Variants in ARHGEF39 observed in about 807,000 individuals in gnomAD.
ARHGEF39 encodes Rho guanine nucleotide exchange factor (GEF) 39.
ARHGEF39 carries 45 observed loss-of-function variants against 47.5 expected under a neutral mutation model. The observed-to-expected ratio is 0.95, with a 90% CI of 0.75 to 1.22. The LOEUF is 1.22. Ranked by LOEUF, ARHGEF39 falls within the 50% of genes most tolerant of loss-of-function variation. The pLI is 0.00. For synonymous variants in ARHGEF39, 164 were observed against 167.8 expected (o/e 0.98, Z 0.17); for missense variants, 411 against 425.3 (o/e 0.97, Z 0.30).
Position 35,661,239 on chromosome 9 carries a change from C to A in ARHGEF39, c.*748G>T. ...TCCTAGTTGGTTGTACACACCCATACTAGGTGCCTAAGGACAACTGGGCCT... is the reference window on the plus strand; with the variant it reads ...TCCTAGTTGGTTGTACACACCCATAATAGGTGCCTAAGGACAACTGGGCCT... On this transcript the variant is annotated 3_prime_UTR_variant, in exon 9 of 9. Coordinates refer to ENST00000378387, the MANE Select transcript of ARHGEF39 (RefSeq NM_032818.3). 1 of 1,350,220 alleles carries A rather than the reference C, an allele frequency of 7.4e-7. No individual in the cohort carries two copies. Among genetic ancestry groups the A allele is most frequent in the Non-Finnish European group, 1.0e-6 (1 of 977,928 alleles). 83.6% of individuals were successfully genotyped at this position (1,350,220 alleles called of 1,614,324 possible).
At position 35,665,135 on chromosome 9, in the gene ARHGEF39, A is replaced by C; in HGVS notation, c.35T>G (p.Val12Gly). Residue 12 changes from valine (V) to glycine (G), a missense_variant, in exon 1 of 9, where the codon GTG becomes GGG. Transcript: ENST00000378387. ...CTCCCAGCGGGCACGCTGCTCTTGCACCGGGCACCGCGAACCGGGGCAGGA... is the reference window on the plus strand; with the variant it reads ...CTCCCAGCGGGCACGCTGCTCTTGCCCCGGGCACCGCGAACCGGGGCAGGA... ...ELSCPGSRCPVQEQRARWERK... is the reference protein window; with the variant it reads ...ELSCPGSRCPGQEQRARWERK... 6.5e-7 allele frequency: 1 copy of C among 1,543,856 alleles called. No individual in the cohort carries two copies. The highest frequency in any genetic ancestry group is 8.7e-7 in the Non-Finnish European group (1 of 1,143,844).
At chr9:35,662,407 G>T (rs1297971326) in intron 7 of ARHGEF39, 105 bp downstream of exon 7, 7 of 1,389,596 alleles carry the variant, frequency 5.0e-6, no homozygotes, top group Admixed American at 2.0e-5. Context: ...CTCTCTCAAT[G>T]TAGATGGCTC....
At position 35,660,740 on chromosome 9, in the gene ARHGEF39, C is replaced by T. The variant is rs752832075; in HGVS notation, c.*1247G>A. 1.2e-5 allele frequency: 19 copies of T among 1,613,864 alleles called. No individual in the cohort carries two copies. The East Asian group carries it at 4.2e-4, about 36-fold the overall frequency. On this transcript the variant is annotated 3_prime_UTR_variant, in exon 9 of 9. Coordinates refer to ENST00000378387, the MANE Select transcript of ARHGEF39 (RefSeq NM_032818.3). ...GTTGGGAGCCACTGAGTGGACATTT[C>T]TTCAGTGTGACTACTCTGGCTGGAG...
At chr9:35,663,664 A>G (rs1488562788) in intron 4 of ARHGEF39, among the ~76,000 whole-genome samples, 1 of 152,174 alleles carries the variant, frequency 6.6e-6, no homozygotes, top group Non-Finnish European at 1.5e-5. Flanking sequence ...GGAGGATGCT[A>G]CAGACAGCCT....
chr9:35,660,320 T>C lies in ARHGEF39; in HGVS notation c.*1667A>G. 1 of 1,245,126 alleles carries C rather than the reference T, an allele frequency of 8.0e-7. No individual in the cohort carries two copies. The highest frequency in any genetic ancestry group is 1.1e-6 in the Non-Finnish European group (1 of 887,862). 77.1% of individuals were successfully genotyped at this position (1,245,126 alleles called of 1,614,324 possible). A position where few individuals can be genotyped will look rare whatever the true frequency, so the allele number is the denominator to read the frequency against. On this transcript the variant is annotated 3_prime_UTR_variant, in exon 9 of 9. Coordinates refer to ENST00000378387, the MANE Select transcript of ARHGEF39 (RefSeq NM_032818.3). Reference sequence around the variant, plus strand: ...ACTGTCTCCATCTCAAATTGCACTCTCTCTTGGCTGGCTCTGGAGACTGAG... The same window carrying C: ...ACTGTCTCCATCTCAAATTGCACTCCCTCTTGGCTGGCTCTGGAGACTGAG...
At position 35,662,713 on chromosome 9, in the gene ARHGEF39, C is replaced by G; in HGVS notation, c.702G>C (p.Leu234=). 1 of 1,569,254 alleles carries G rather than the reference C, an allele frequency of 6.4e-7. No individual in the cohort carries two copies. Among genetic ancestry groups the G allele is most frequent in the South Asian group, 1.2e-5 (1 of 86,718 alleles). The part of the protein sequence containing the change: ...SGRWFLRQGW[L]LVVPPHGEPR... ...GCTCCCCATGGGGAGGCACCACTAA[C>G]AGCCAGCCCTGGCGTAGGAACCAGC... The change falls in exon 7 of 9, where the codon CTG becomes CTC. Residue 234 remains leucine (L), a synonymous_variant. Transcript: ENST00000378387.
At chr9:35,662,095 A>T in intron 8 of ARHGEF39, 84 bp downstream of exon 8, 1 of 1,597,986 alleles carries the variant, frequency 6.3e-7, no homozygotes, top group East Asian at 2.2e-5. Flanking sequence ...GTGCCAGACC[A>T]ATGTAGGGCA....
At chr9:35,663,176 T>G (rs1232392180) in intron 5 of ARHGEF39, 102 bp from the exon 6 acceptor site, 2 of 1,593,952 alleles carry the variant, frequency 1.3e-6, no homozygotes. Flanking sequence ...AGGGTCTGAC[T>G]TCTTGAAGAA....
In ARHGEF39 at chr9:35,662,277, G is replaced by A; in HGVS notation, c.904-10C>T. The A allele has an allele frequency of 1.2e-6, 2 of 1,611,716 alleles. No homozygotes were observed. The highest frequency in any genetic ancestry group is 1.7e-6 in the Non-Finnish European group (2 of 1,177,790). ...CATGAGGGAAGGACAGCTAGAGAGA[G>A]ACCACCTCTTAGCGCATGGCTCAGA... On this transcript the variant is annotated splice_polypyrimidine_tract_variant and intron_variant, in intron 7 of 8. Transcript: ENST00000378387.
Position 35,662,509 on chromosome 9 carries a change from T to G in ARHGEF39, c.903+3A>C. The G allele has an allele frequency of 6.2e-7, 1 of 1,611,398 alleles. No homozygotes were observed. Reference sequence around the variant, plus strand: ...GGGTCTAGGGTTCCCACCTATTACTTACACTGAGCAACCCACCACAAGGGC... The same window carrying G: ...GGGTCTAGGGTTCCCACCTATTACTGACACTGAGCAACCCACCACAAGGGC... On this transcript the variant is annotated splice_donor_region_variant and intron_variant, in intron 7 of 8. Transcript: ENST00000378387.
Position 35,661,663 on chromosome 9 carries a change from A to G in ARHGEF39, c.*324T>C, listed in dbSNP as rs958562857. On this transcript the variant is annotated 3_prime_UTR_variant, in exon 9 of 9. Coordinates refer to ENST00000378387, the MANE Select transcript of ARHGEF39 (RefSeq NM_032818.3). ...TTGGTTTCCTGATTCTTCTTTTTTA[A>G]TAAAATTTCTTAATTATTTTTTCTT... 2.8e-5 allele frequency: 12 copies of G among 421,268 alleles called. No individual in the cohort carries two copies. Among genetic ancestry groups the G allele is most frequent in the Non-Finnish European group, 4.2e-5 (10 of 239,092 alleles). 26.1% of individuals were successfully genotyped at this position (421,268 alleles called of 1,614,324 possible). A position where few individuals can be genotyped will look rare whatever the true frequency, so the allele number is the denominator to read the frequency against.
In ARHGEF39 at chr9:35,664,390, CCT is replaced by C. The variant is rs1321569779; in HGVS notation, c.334_335del (p.Arg112ValfsTer13). ...AGGTTACCTGCAGGGTGGTCTGGGA[CCT>C]CTCTGAGTTGGCAGCAAATTGGTTA... ...LYNQFAANSE[R>X]SQTTLQEQLK... On this transcript the variant is annotated frameshift_variant, in exon 3 of 9. Coordinates refer to ENST00000378387, the MANE Select transcript of ARHGEF39 (RefSeq NM_032818.3). LOFTEE classifies it high-confidence loss of function. The C allele has an allele frequency of 1.2e-6, 2 of 1,611,840 alleles. No homozygotes were observed. Among genetic ancestry groups the C allele is most frequent in the African/African-American group, 1.3e-5 (1 of 74,834 alleles).
chr9:35,662,342 G>T, intron 7 of ARHGEF39, 75 bp from the exon 8 acceptor site: 1 of 1,488,242 alleles, frequency 6.7e-7, no homozygotes, highest in Non-Finnish European at 9.3e-7. Context: ...TGTTTCCATG[G>T]AGCTAATTCA....
rs371120243 is a variant in ARHGEF39 at position 35,661,184 on chromosome 9, A to G, written c.*803T>C. On this transcript the variant is annotated 3_prime_UTR_variant, in exon 9 of 9. Transcript: ENST00000378387. ...GTCGACTAAAACAAAGTCTGTTTTC[A>G]TGATGGAGTGCTCCTGTGTGTTTTT... The G allele has an allele frequency of 1.3e-6, 2 of 1,590,686 alleles. No homozygotes were observed. The highest frequency in any genetic ancestry group is 1.3e-5 in the African/African-American group (1 of 74,346).
chr9:35,660,994 T>C lies in ARHGEF39; in HGVS notation c.*993A>G, dbSNP rs147165051. 3.7e-6 allele frequency: 6 copies of C among 1,613,784 alleles called. No homozygotes were observed. The African/African-American group carries it at 4.0e-5, about 11-fold the overall frequency. On this transcript the variant is annotated 3_prime_UTR_variant, in exon 9 of 9. Coordinates refer to ENST00000378387, the MANE Select transcript of ARHGEF39 (RefSeq NM_032818.3). ...TGTTTAAAGGAGGACGAGGAGGAGA[T>C]TGGTGACAGTCAGGCCTGGGAGGAG...
Position 35,660,220 on chromosome 9 carries a change from T to TA in ARHGEF39, c.*1766dup. The stretch of plus-strand genomic sequence containing the variant: ...CAGCAAACTGACCATGTGTGGGACA[T>TA]AGGACGTCGCTTCATATGCTGGGTG... On this transcript the variant is annotated 3_prime_UTR_variant, in exon 9 of 9. Coordinates refer to ENST00000378387, the MANE Select transcript of ARHGEF39 (RefSeq NM_032818.3). The TA allele has an allele frequency of 1.8e-6, 1 of 570,840 alleles. No homozygotes were observed. Among genetic ancestry groups the TA allele is most frequent in the Non-Finnish European group, 3.1e-6 (1 of 323,540 alleles). The allele number at this position is 570,840 out of a possible 1,614,324, so 35.4% of individuals were successfully genotyped here. A position where few individuals can be genotyped will look rare whatever the true frequency, so the allele number is the denominator to read the frequency against.
chr9:35,661,438 C>A lies in ARHGEF39; in HGVS notation c.*549G>T. ...CAAAACTGAGACAGAAGGGTCTTTC[C>A]CAAAAAAAAGAAAAAAAACTTTACT... On this transcript the variant is annotated 3_prime_UTR_variant, in exon 9 of 9. Transcript: ENST00000378387. 6.7e-6 allele frequency: 3 copies of A among 448,668 alleles called. No homozygotes were observed. The highest frequency in any genetic ancestry group is 6.0e-5 in the South Asian group (1 of 16,614). The allele number at this position is 448,668 out of a possible 1,614,324, so 27.8% of individuals were successfully genotyped here.
chr9:35,663,456 G>T, intron 4 of ARHGEF39, 64 bp from the exon 5 acceptor site: 1 of 1,378,704 alleles, frequency 7.3e-7, no homozygotes, highest in Non-Finnish European at 1.0e-6. Flanking sequence ...CCTGCCTGAT[G>T]TGCAGATCAC....
Position 35,664,006 on chromosome 9 carries a change from A to G in ARHGEF39, c.473+2T>C, listed in dbSNP as rs770424015. On this transcript the variant is annotated splice_donor_variant, in intron 4 of 8. Transcript: ENST00000378387. LOFTEE classifies it high-confidence loss of function. ...GGCGGCTGGAATCAAGAGTTCACTC[A>G]CTGCTGGAGCCGTTGCAGAGGCAGA... 16 of 1,612,946 alleles carry G rather than the reference A, an allele frequency of 9.9e-6. No individual in the cohort carries two copies. Among genetic ancestry groups the G allele is most frequent in the African/African-American group, 1.3e-5 (1 of 74,928 alleles).
Sources: allele counts gnomAD v4.1 joint callset (sites outside exome capture counted in the v4.1 genomes callset), GRCh38; gene constraint gnomAD v4.1.1; transcripts MANE v1.5; gene names NCBI Gene and HGNC (gene_info 2026-07-23, HGNC 2026-07-21).